MYLK: variants seen among roughly 807,000 people sequenced by gnomAD.
The protein encoded by MYLK is myosin light chain kinase, smooth muscle.
In MYLK, 106 loss-of-function variants were observed where a neutral mutation model predicts 203.4. The ratio of observed to expected loss-of-function variants is 0.52; its 90% confidence interval spans 0.45 to 0.61. The LOEUF (loss-of-function observed/expected upper bound fraction) is 0.61. Among genes scored for constraint, MYLK ranks in the 20% least tolerant of loss-of-function variants. The pLI is 0.00. For synonymous variants in MYLK, 867 were observed against 959.5 expected, an observed-to-expected ratio of 0.90 and a Z score of 1.78; for missense variants, 2,072 against 2,442.3, an observed-to-expected ratio of 0.85 and a Z score of 3.20.
rs565245441 is a variant in MYLK at position 123,680,249 on chromosome 3, C to T, written c.3652+1975G>A. On this transcript the variant is annotated intron_variant, in intron 20 of 33. Coordinates refer to ENST00000360304, the MANE Select transcript of MYLK (RefSeq NM_053025.4). ...TCAAGCTTGTTTTCCTCCTCCACAG[C>T]TCGGCTCTGACCCCATCTCACCTCC... 7.2e-5 allele frequency among the ~76,000 whole-genome samples: 11 copies of T among 152,278 alleles called. No homozygotes were observed. The South Asian group carries it at 1.7e-3, about 23-fold the overall frequency.
intron 1 of MYLK, among the ~76,000 whole-genome samples, chr3:123,880,178 G>A (rs897367452): frequency 6.6e-6 from 1 of 152,126 alleles, no homozygotes; most frequent in Non-Finnish European, 1.5e-5. Context: ...GCTCACAGAG[G>A]TTAAAACCCA....
intron 4 of MYLK, among the ~76,000 whole-genome samples, chr3:123,789,213 A>G (rs374909286): frequency 6.6e-6 from 1 of 151,536 alleles, no homozygotes; most frequent in East Asian, 1.9e-4. Flanking sequence ...AGTCCTGTGC[A>G]CTTCTCGCCC....
chr3:123,751,033 T>A (rs2063177245), intron 5 of MYLK, among the ~76,000 whole-genome samples: 1 of 152,204 alleles, frequency 6.6e-6, no homozygotes, highest in South Asian at 2.1e-4. Context: ...CTCGCCCCCT[T>A]CTGGAACCTT....
At chr3:123,743,668 T>C (rs866982441) in intron 5 of MYLK, among the ~76,000 whole-genome samples, 2 of 152,106 alleles carry the variant, frequency 1.3e-5, no homozygotes, top group East Asian at 3.9e-4. Flanking sequence ...CGGTATTTGA[T>C]CTTAGATTTT....
At chr3:123,732,624 C>A (rs1188978511) in intron 11 of MYLK, among the ~76,000 whole-genome samples, 1 of 152,188 alleles carries the variant, frequency 6.6e-6, no homozygotes, top group South Asian at 2.1e-4. Flanking sequence ...ACTATTCAAA[C>A]AGCTGAGGGA....
At chr3:123,787,100 T>C (rs1346737014) in intron 4 of MYLK, among the ~76,000 whole-genome samples, 1 of 152,262 alleles carries the variant, frequency 6.6e-6, no homozygotes, top group East Asian at 1.9e-4. Context: ...AACTCTTTCC[T>C]GTGGCTATTA....
intron 12 of MYLK, among the ~76,000 whole-genome samples, chr3:123,723,880 A>G (rs962447082): frequency 6.6e-6 from 1 of 152,122 alleles, no homozygotes; most frequent in Non-Finnish European, 1.5e-5. Flanking sequence ...AGCGCCTGCA[A>G]GCTAAGAATA....
intron 5 of MYLK, among the ~76,000 whole-genome samples, chr3:123,740,750 C>T (rs149049521): frequency 0.013 from 1,903 of 152,206 alleles, 26 homozygotes; most frequent in Non-Finnish European, 0.021. Flanking sequence ...CTGGGCAAGG[C>T]GCTGCTATGC....
chr3:123,690,079 C>T (rs2060602976), intron 19 of MYLK, among the ~76,000 whole-genome samples: 2 of 152,162 alleles, frequency 1.3e-5, no homozygotes, highest in Non-Finnish European at 2.9e-5. Flanking sequence ...TTTCAGGGGC[C>T]AGGCCAGCCC....
rs1239379134 is a variant in MYLK at position 123,710,954 on chromosome 3, A to G, written c.1805-1061T>C. Among the ~76,000 whole-genome samples, 6 of 152,238 alleles carry G rather than the reference A, an allele frequency of 3.9e-5. No individual in the cohort carries two copies. In the East Asian group the frequency reaches 1.2e-3, roughly 29 times the overall value. ...AATCTCACAATAATTATGTTGAATGAAAGACACCAAGCTGTAGTCCCAGCT... is the reference window on the plus strand; with the variant it reads ...AATCTCACAATAATTATGTTGAATGGAAGACACCAAGCTGTAGTCCCAGCT... On this transcript the variant is annotated intron_variant, in intron 13 of 33. Coordinates refer to ENST00000360304, the MANE Select transcript of MYLK (RefSeq NM_053025.4).
intron 13 of MYLK, among the ~76,000 whole-genome samples, chr3:123,710,202 T>A (rs895617646): frequency 6.6e-6 from 1 of 152,184 alleles, no homozygotes; most frequent in African/African-American, 2.4e-5. Context: ...TGGCACAAAA[T>A]TCAAAAGGTA....
In MYLK at chr3:123,700,643, T is replaced by C. The variant is rs957980850; in HGVS notation, c.2825A>G (p.Glu942Gly). The change falls in exon 18 of 34, where the codon GAG (glutamate) becomes GGG (glycine). Residue 942 changes from glutamate (E) to glycine (G), a missense_variant. By Grantham distance (98) the Glu-to-Gly change is moderately conservative. This residue lies in a region of MYLK where 865 missense variants were observed against 1,016.0 expected (regional missense o/e 0.85). Coordinates refer to ENST00000360304, the MANE Select transcript of MYLK (RefSeq NM_053025.4). ...CTGCTGGGGGCTGTGCACCTTCCTC[T>C]CTTCCTCAGACACAGTCTTTGGCTT... Reference protein sequence around the residue: ...QVKPKTVSEEERKVHSPQQVD... With the variant: ...QVKPKTVSEEGRKVHSPQQVD... 1.8e-5 allele frequency: 29 copies of C among 1,613,990 alleles called. No individual in the cohort carries two copies. Among genetic ancestry groups the C allele is most frequent in the African/African-American group, 2.7e-5 (2 of 74,928 alleles).
At chr3:123,726,591 T>C (rs2062295285) in intron 11 of MYLK, among the ~76,000 whole-genome samples, 1 of 152,154 alleles carries the variant, frequency 6.6e-6, no homozygotes, top group African/African-American at 2.4e-5. Context: ...ATTCCAGAAC[T>C]GAATCATAGG....
intron 33 of MYLK, among the ~76,000 whole-genome samples, chr3:123,614,582 A>C (rs2697527): frequency 0.025 from 3,839 of 152,292 alleles, 68 homozygotes; most frequent in Middle Eastern, 0.088. Flanking sequence ...TTTCCCACAC[A>C]TGTTGGACTA....
chr3:123,631,786 A>G (rs991734078), intron 29 of MYLK, among the ~76,000 whole-genome samples: 3 of 151,910 alleles, frequency 2.0e-5, no homozygotes, highest in African/African-American at 7.3e-5. Context: ...TGTCCCCATG[A>G]GGGAAGGGTG....
At chr3:123,806,417 G>C (rs928451320) in intron 3 of MYLK, among the ~76,000 whole-genome samples, 5 of 152,172 alleles carry the variant, frequency 3.3e-5, no homozygotes, top group Non-Finnish European at 2.9e-5. Flanking sequence ...GGAGATGGTG[G>C]TGCCTGTATA....
chr3:123,734,979 C>A, intron 9 of MYLK: 1 of 307,664 alleles, frequency 3.3e-6, no homozygotes, highest in Non-Finnish European at 6.4e-6. Flanking sequence ...GGTTTAAGCC[C>A]TCCTCTACGC....
At chr3:123,710,346 A>G (rs1346447853) in intron 13 of MYLK, among the ~76,000 whole-genome samples, 1 of 152,040 alleles carries the variant, frequency 6.6e-6, no homozygotes, top group Non-Finnish European at 1.5e-5. Context: ...AGAAGCAAAC[A>G]GGCATTTATT....
At chr3:123,826,381 T>A (rs1433537628) in intron 3 of MYLK, among the ~76,000 whole-genome samples, 1 of 152,154 alleles carries the variant, frequency 6.6e-6, no homozygotes, top group South Asian at 2.1e-4. Flanking sequence ...TATAAGCCCA[T>A]GTCCTGAGAT....
Sources: gnomAD v4.1 joint callset for allele counts (sites outside exome capture counted in the v4.1 genomes callset) on GRCh38, gnomAD v4.1.1 for gene constraint, gnomAD v4.1.1 regional missense constraint, MANE v1.5 for transcripts, NCBI Gene and HGNC (gene_info 2026-07-23, HGNC 2026-07-21) for gene names.